The following AFAP1 variants were observed in gnomAD, a reference collection of about 807,000 sequenced individuals.
AFAP1 encodes the protein actin filament-associated protein 1.
Under a neutral mutation model 93.9 loss-of-function variants are expected in AFAP1, and 75 were observed. The observed-to-expected ratio is 0.80, with a 90% CI of 0.66 to 0.97. AFAP1 has a LOEUF of 0.97. AFAP1 is among the 50% of genes least tolerant of loss of function. AFAP1 has a pLI of 0.00. For synonymous variants in AFAP1, 517 were observed against 430.7 expected (o/e 1.20, Z -2.48); for missense variants, 1,201 against 1,050.8 (o/e 1.14, Z -1.98).
rs1560175013 is a variant in AFAP1 at position 7,813,390 on chromosome 4, C to T, written c.904+2628G>A. ...AAAGAAAATGTGTAAACCAAGGTCA[C>T]CACCGTTTAATTCCAAAGCATAGAA... On this transcript the variant is annotated intron_variant, in intron 8 of 17. Coordinates refer to ENST00000420658, the MANE Select transcript of AFAP1 (RefSeq NM_001134647.2). 2.0e-5 allele frequency among the ~76,000 whole-genome samples: 3 copies of T among 152,228 alleles called. No individual in the cohort carries two copies. In the South Asian group the frequency reaches 6.2e-4, roughly 31 times the overall value.
At chr4:7,791,842 C>CAAA (rs111676909) in intron 11 of AFAP1, among the ~76,000 whole-genome samples, 18,979 of 139,732 alleles carry the variant, frequency 0.14, 1,403 homozygotes, top group Middle Eastern at 0.18. Flanking sequence ...AACCCTTAAT[C>CAAA]AAAAAAAAAC....
chr4:7,840,034 T>C (rs901114713), intron 5 of AFAP1, among the ~76,000 whole-genome samples: 2 of 152,156 alleles, frequency 1.3e-5, no homozygotes, highest in Non-Finnish European at 2.9e-5. Flanking sequence ...ATCAGCATGG[T>C]GGCTCATTCT....
At chr4:7,899,497 C>G (rs551495514) in intron 1 of AFAP1, among the ~76,000 whole-genome samples, 14 of 152,204 alleles carry the variant, frequency 9.2e-5, no homozygotes, top group Non-Finnish European at 2.1e-4. Context: ...TCGAGAAAGG[C>G]AGACCTCAAA....
chr4:7,840,270 G>GTGTGTGTGTGCA (rs1712841259), intron 5 of AFAP1, among the ~76,000 whole-genome samples: 1 of 124,072 alleles, frequency 8.1e-6, no homozygotes, highest in African/African-American at 3.6e-5. Context: ...GGATGTGTGT[G>GTGTGTGTGTGCA]TGTGTGTGTG....
intron 1 of AFAP1, among the ~76,000 whole-genome samples, chr4:7,927,290 TAA>T (rs1384205627): frequency 6.6e-6 from 1 of 152,106 alleles, no homozygotes; most frequent in Non-Finnish European, 1.5e-5. Context: ...TGATAACAGC[TAA>T]GAGCTCCGAA....
chr4:7,910,080 T>A (rs886165014), intron 1 of AFAP1, among the ~76,000 whole-genome samples: 1 of 152,114 alleles, frequency 6.6e-6, no homozygotes, highest in Non-Finnish European at 1.5e-5. Context: ...CAAAACAACT[T>A]CTTGTATCTT....
At chr4:7,855,421 T>C in intron 4 of AFAP1, 45 bp downstream of exon 4, 1 of 1,442,968 alleles carries the variant, frequency 6.9e-7, no homozygotes, top group South Asian at 1.3e-5. Flanking sequence ...GCAACAGTCC[T>C]GCCAATCACA....
In AFAP1 at chr4:7,763,644, C is replaced by CGTGGAGCCT. The variant is rs1171746409; in HGVS notation, c.*112_*120dup. On this transcript the variant is annotated 3_prime_UTR_variant, in exon 18 of 18. Coordinates refer to ENST00000420658, the MANE Select transcript of AFAP1 (RefSeq NM_001134647.2). The stretch of plus-strand genomic sequence containing the variant: ...ACAGGCACTGGCCTCAGAGCTCAGT[C>CGTGGAGCCT]GTGGAGCCTCTGGAGTCGTGCAGCT... 8.2e-7 allele frequency: 1 copy of CGTGGAGCCT among 1,217,978 alleles called. No individual in the cohort carries two copies. Among genetic ancestry groups the CGTGGAGCCT allele is most frequent in the African/African-American group, 1.5e-5 (1 of 66,072 alleles). 75.4% of individuals were successfully genotyped at this position (1,217,978 alleles called of 1,614,324 possible).
At chr4:7,800,192 C>G (rs1263871368) in intron 10 of AFAP1, among the ~76,000 whole-genome samples, 2 of 152,182 alleles carry the variant, frequency 1.3e-5, no homozygotes, top group African/African-American at 4.8e-5. Flanking sequence ...GCAAGTCAAT[C>G]TGATGTGTAC....
intron 1 of AFAP1, among the ~76,000 whole-genome samples, chr4:7,883,832 G>A (rs1399527281): frequency 2.6e-5 from 4 of 152,184 alleles, no homozygotes; most frequent in Admixed American, 6.5e-5. Flanking sequence ...CAAATGGAAA[G>A]ATGTCCCCTT....
chr4:7,883,770 T>G, intron 1 of AFAP1, among the ~76,000 whole-genome samples: 1 of 152,082 alleles, frequency 6.6e-6, no homozygotes, highest in East Asian at 1.9e-4. Context: ...TGCGCAAAAC[T>G]TACATAGGGA....
intron 13 of AFAP1, among the ~76,000 whole-genome samples, 198 bp downstream of exon 13, chr4:7,781,178 C>T (rs1300909907): frequency 6.6e-6 from 1 of 152,120 alleles, no homozygotes; most frequent in African/African-American, 2.4e-5. Flanking sequence ...AAACACAGTG[C>T]TCAGATAAAC....
intron 1 of AFAP1, among the ~76,000 whole-genome samples, chr4:7,929,935 C>T (rs1049470530): frequency 3.9e-5 from 6 of 152,212 alleles, no homozygotes; most frequent in African/African-American, 1.4e-4. Flanking sequence ...GACCTAGACA[C>T]ACCAAAAATC....
intron 9 of AFAP1, among the ~76,000 whole-genome samples, chr4:7,808,127 T>C (rs1054364539): frequency 1.2e-4 from 18 of 152,306 alleles, no homozygotes; most frequent in Non-Finnish European, 2.2e-4. Context: ...GGGCTCACAC[T>C]GCAGGGAGCT....
intron 11 of AFAP1, among the ~76,000 whole-genome samples, chr4:7,788,158 C>T (rs1473840811): frequency 3.3e-5 from 5 of 152,204 alleles, no homozygotes; most frequent in Non-Finnish European, 7.3e-5. Context: ...TCCGAAGCCA[C>T]GGGTCAGGAC....
intron 1 of AFAP1, among the ~76,000 whole-genome samples, chr4:7,892,922 A>G (rs1718554640): frequency 6.6e-6 from 1 of 152,212 alleles, no homozygotes; most frequent in East Asian, 1.9e-4. Context: ...GCAGACGGAG[A>G]AAAAGACCAT....
Position 7,871,646 on chromosome 4 carries a change from G to A in AFAP1, c.127+306C>T, listed in dbSNP as rs114592093. ...CCTCACTACGGCTGCAGTGCGTCCT[G>A]CACACGAGGAAGAACAACCTGATGC... On this transcript the variant is annotated intron_variant, in intron 2 of 17. Transcript: ENST00000420658. Among the ~76,000 whole-genome samples, 893 of 152,304 alleles carry A rather than the reference G, an allele frequency of 5.9e-3. 7 individuals carry two copies. The highest frequency in any genetic ancestry group is 0.019 in the African/African-American group (780 of 41,562).
chr4:7,809,295 T>A (rs1719806414), intron 9 of AFAP1: 1 of 170,596 alleles, frequency 5.9e-6, no homozygotes, highest in Admixed American at 6.3e-5. Context: ...TAATCCTTTC[T>A]TTACCAGCAG....
intron 1 of AFAP1, among the ~76,000 whole-genome samples, chr4:7,885,688 T>G (rs569025718): frequency 7.9e-5 from 12 of 152,350 alleles, no homozygotes; most frequent in African/African-American, 2.4e-4. Context: ...ATAGACAACA[T>G]TCCTGAGATC....
Sources: gnomAD v4.1 joint callset for allele counts (sites outside exome capture counted in the v4.1 genomes callset) on GRCh38, gnomAD v4.1.1 for gene constraint, MANE v1.5 for transcripts, NCBI Gene and HGNC (gene_info 2026-07-23, HGNC 2026-07-21) for gene names.